Variants in FRMPD2 observed in about 807,000 individuals in gnomAD.
The protein encoded by FRMPD2 is FERM and PDZ domain-containing protein 2.
FRMPD2 carries 96 observed loss-of-function variants against 140.1 expected under a neutral mutation model. That is an observed-to-expected ratio of 0.69 (90% CI 0.58 to 0.81). The LOEUF (loss-of-function observed/expected upper bound fraction) is 0.81, where lower values mean the gene tolerates loss of function less well. Among genes scored for constraint, FRMPD2 ranks in the 40% least tolerant of loss-of-function variants. The pLI, the probability that FRMPD2 is intolerant of heterozygous loss-of-function variation, is 0.00. For synonymous variants in FRMPD2, 449 were observed against 547.6 expected (o/e 0.82, Z 2.52); for missense variants, 1,240 against 1,447.4 (o/e 0.86, Z 2.32).
At chr10:48,232,021 A>C (rs1057248661) in intron 10 of FRMPD2, 94 bp downstream of exon 10, 30 of 1,205,142 alleles carry the variant, frequency 2.5e-5, no homozygotes, top group Non-Finnish European at 3.7e-5. Flanking sequence ...CCAAGTCTCA[A>C]ACAGTTTTCC....
At chr10:48,270,698 C>T (rs2131991987) in intron 1 of FRMPD2, among the ~76,000 whole-genome samples, 1 of 151,924 alleles carries the variant, frequency 6.6e-6, no homozygotes, top group African/African-American at 2.4e-5. Context: ...ATTCACCTTC[C>T]CCCCACCTCC....
chr10:48,268,240 A>C (rs991311777), intron 1 of FRMPD2, among the ~76,000 whole-genome samples: 26 of 152,224 alleles, frequency 1.7e-4, no homozygotes, highest in Non-Finnish European at 2.4e-4. Context: ...CCAAATGCTT[A>C]TGAGGATACA....
At chr10:48,194,043 A>G (rs183033387) in intron 15 of FRMPD2, among the ~76,000 whole-genome samples, 2 of 152,378 alleles carry the variant, frequency 1.3e-5, no homozygotes, top group Admixed American at 6.5e-5. Context: ...CACAAATTGC[A>G]TAGTATCTTA....
At position 48,192,716 on chromosome 10, in the gene FRMPD2, G is replaced by A; in HGVS notation, c.2133C>T (p.Ser711=). The A allele has an allele frequency of 1.2e-6, 2 of 1,614,134 alleles. No individual in the cohort carries two copies. Among genetic ancestry groups the A allele is most frequent in the Non-Finnish European group, 1.7e-6 (2 of 1,180,014 alleles). ...TSMDNFNVDG[S]KEAGAEGIGR... ...CGATGCCTTCTGCTCCAGCCTCCTT[G>A]CTGCCGTCCACGTTGAAGTTATCCA... The change falls in exon 16 of 29, where the codon AGC becomes AGT. Residue 711 remains serine, a synonymous_variant. Transcript: ENST00000374201.
At chr10:48,252,799 G>C (rs1840415250) in intron 1 of FRMPD2, among the ~76,000 whole-genome samples, 1 of 152,196 alleles carries the variant, frequency 6.6e-6, no homozygotes, top group South Asian at 2.1e-4. Context: ...ATAAGTCCAA[G>C]GTAATCAAGT....
intron 4 of FRMPD2, among the ~76,000 whole-genome samples, chr10:48,243,922 T>C (rs139615601): frequency 6.6e-6 from 1 of 152,230 alleles, no homozygotes; most frequent in African/African-American, 2.4e-5. Context: ...CAGATGGAAA[T>C]GTACACAAAC....
intron 1 of FRMPD2, among the ~76,000 whole-genome samples, chr10:48,259,039 G>A (rs890428198): frequency 1.6e-4 from 25 of 152,180 alleles, no homozygotes; most frequent in African/African-American, 5.8e-4. Context: ...GAAGTAAAAT[G>A]TCAAGAGCAT....
intron 1 of FRMPD2, among the ~76,000 whole-genome samples, chr10:48,257,191 T>C (rs868044052): frequency 1.8e-4 from 27 of 152,132 alleles, no homozygotes; most frequent in South Asian, 4.2e-4. Flanking sequence ...TCTTTTTTTT[T>C]TTTTCTGCCT....
intron 14 of FRMPD2, among the ~76,000 whole-genome samples, chr10:48,203,320 G>A (rs570285936): frequency 5.3e-5 from 8 of 152,304 alleles, no homozygotes; most frequent in African/African-American, 1.9e-4. Context: ...AGTCTTGACT[G>A]TCAAGAGTCT....
At chr10:48,239,527 T>G in intron 7 of FRMPD2, 78 bp downstream of exon 7, 1 of 984,258 alleles carries the variant, frequency 1.0e-6, no homozygotes, top group Non-Finnish European at 1.5e-6. Context: ...TAATAATCAG[T>G]AAAGAAATAA....
chr10:48,208,762 C>T (rs1304273473), intron 13 of FRMPD2, among the ~76,000 whole-genome samples: 2 of 152,186 alleles, frequency 1.3e-5, no homozygotes, highest in Non-Finnish European at 2.9e-5. Flanking sequence ...GGTGTCCTTT[C>T]AGAGGGTCAT....
intron 10 of FRMPD2, among the ~76,000 whole-genome samples, chr10:48,231,419 T>C (rs1839844679): frequency 1.3e-5 from 2 of 152,188 alleles, no homozygotes; most frequent in African/African-American, 4.8e-5. Flanking sequence ...ACAAGAACAC[T>C]TGCCTGACAC....
intron 17 of FRMPD2, 69 bp from the exon 18 acceptor site, chr10:48,185,714 G>A (rs910073705): frequency 1.7e-6 from 2 of 1,162,104 alleles, no homozygotes; most frequent in African/African-American, 1.5e-5. Flanking sequence ...TACAAAAGGA[G>A]TAAACAGCAT....
intron 12 of FRMPD2, among the ~76,000 whole-genome samples, chr10:48,213,023 G>A (rs565140254): frequency 1.3e-5 from 2 of 152,326 alleles, no homozygotes; most frequent in South Asian, 2.1e-4. Flanking sequence ...CCCTCCAGTT[G>A]AGGGCAGTTA....
At chr10:48,194,859 G>C (rs542975237) in intron 15 of FRMPD2, among the ~76,000 whole-genome samples, 88 of 152,110 alleles carry the variant, frequency 5.8e-4, no homozygotes, top group Non-Finnish European at 1.1e-3. Context: ...AACAGTGGAG[G>C]GGGGATTTGT....
chr10:48,271,799 AG>A (rs1235936565), intron 1 of FRMPD2, among the ~76,000 whole-genome samples: 1 of 152,206 alleles, frequency 6.6e-6, no homozygotes, highest in African/African-American at 2.4e-5. Context: ...AGAATAGAAA[AG>A]CATAGTGGCT....
chr10:48,239,011 T>A (rs1475926944), intron 7 of FRMPD2, among the ~76,000 whole-genome samples: 1 of 145,708 alleles, frequency 6.9e-6, no homozygotes, highest in Non-Finnish European at 1.5e-5. Context: ...TGTCTCTCTG[T>A]CTCTCTCTCT....
intron 3 of FRMPD2, among the ~76,000 whole-genome samples, chr10:48,246,769 C>T (rs1161119488): frequency 6.6e-6 from 1 of 152,216 alleles, no homozygotes; most frequent in Non-Finnish European, 1.5e-5. Context: ...TAGCTCCTAG[C>T]TGCCCAACCA....
chr10:48,207,019 AC>A, intron 13 of FRMPD2, 86 bp from the exon 14 acceptor site: 4 of 1,143,034 alleles, frequency 3.5e-6, no homozygotes, highest in East Asian at 2.5e-5. Flanking sequence ...TGCAAAACAC[AC>A]TGATAGGCGT....
Sources: gnomAD v4.1 joint callset for allele counts (sites outside exome capture counted in the v4.1 genomes callset) on GRCh38, gnomAD v4.1.1 for gene constraint, MANE v1.5 for transcripts, NCBI Gene and HGNC (gene_info 2026-07-23, HGNC 2026-07-21) for gene names.